The following FAM210A variants were observed in gnomAD, a reference collection of about 807,000 sequenced individuals.
The protein encoded by FAM210A is family with sequence similarity 210 member A.
In FAM210A, 13 loss-of-function variants were observed where a neutral mutation model predicts 25.3. The observed-to-expected ratio is 0.51, with a 90% CI of 0.33 to 0.82. The LOEUF is 0.82. Ranked by LOEUF, FAM210A falls within the 40% of genes least tolerant of loss-of-function variation. The pLI is 0.02. For missense variants in FAM210A, 319 were observed against 323.2 expected (o/e 0.99, Z 0.10); for synonymous variants, 125 against 118.7 (o/e 1.05, Z -0.35).
chr18:13,710,904 A>C (rs2043815778), intron 1 of FAM210A, among the ~76,000 whole-genome samples: 1 of 152,200 alleles, frequency 6.6e-6, no homozygotes, highest in Admixed American at 6.5e-5. Context: ...TGTGTACTCA[A>C]ATAGCACAGT....
intron 2 of FAM210A, among the ~76,000 whole-genome samples, chr18:13,674,172 C>T (rs1429045578): frequency 1.1e-4 from 16 of 149,092 alleles, no homozygotes; most frequent in Admixed American, 1.1e-3. Flanking sequence ...ATTAACATTC[C>T]TGAGCCCTGG....
At chr18:13,690,293 G>C (rs776663818) in intron 1 of FAM210A, among the ~76,000 whole-genome samples, 7 of 152,218 alleles carry the variant, frequency 4.6e-5, no homozygotes, top group African/African-American at 7.2e-5. Flanking sequence ...AGCTCAAGAA[G>C]GCCTGCCTGC....
intron 3 of FAM210A, among the ~76,000 whole-genome samples, chr18:13,669,481 G>A (rs1291730499): frequency 6.6e-6 from 1 of 151,978 alleles, no homozygotes; most frequent in African/African-American, 2.4e-5. Flanking sequence ...TTTGTCTTTC[G>A]GATTTTCTCT....
chr18:13,673,352 C>T (rs11663546), intron 2 of FAM210A, among the ~76,000 whole-genome samples: 29,062 of 131,702 alleles, frequency 0.22, 4,179 homozygotes, highest in Non-Finnish European at 0.3. Flanking sequence ...TTTCCAGTTT[C>T]CTGATTATTA....
At chr18:13,692,447 A>G (rs1304121314) in intron 1 of FAM210A, among the ~76,000 whole-genome samples, 1 of 152,244 alleles carries the variant, frequency 6.6e-6, no homozygotes, top group Non-Finnish European at 1.5e-5. Context: ...TCAACAGAAT[A>G]TACATTCTTC....
chr18:13,699,635 A>G (rs770241198), intron 1 of FAM210A, among the ~76,000 whole-genome samples: 1 of 152,072 alleles, frequency 6.6e-6, no homozygotes, highest in Admixed American at 6.6e-5. Flanking sequence ...TTTCCTTTTC[A>G]CTTCTGACAG....
intron 1 of FAM210A, among the ~76,000 whole-genome samples, chr18:13,711,904 C>T (rs944437534): frequency 1.3e-5 from 2 of 152,104 alleles, no homozygotes; most frequent in Non-Finnish European, 2.9e-5. Context: ...CCAAGTTGTC[C>T]AAGACAAAAA....
At chr18:13,675,042 T>A (rs57736419) in intron 2 of FAM210A, among the ~76,000 whole-genome samples, 47 of 61,452 alleles carry the variant, frequency 7.6e-4, no homozygotes, top group East Asian at 1.2e-3. Flanking sequence ...CTTTATTTCC[T>A]GTTTCCTGAT....
intron 1 of FAM210A, among the ~76,000 whole-genome samples, chr18:13,711,383 A>C (rs527402077): frequency 3.3e-5 from 5 of 152,164 alleles, no homozygotes; most frequent in Non-Finnish European, 7.4e-5. Flanking sequence ...ATAAAACAAA[A>C]ACAAACAAAA....
chr18:13,712,054 G>A (rs1375987228), intron 1 of FAM210A, among the ~76,000 whole-genome samples: 8 of 151,992 alleles, frequency 5.3e-5, no homozygotes, highest in Non-Finnish European at 1.0e-4. Flanking sequence ...TCAAGAAGAT[G>A]AAAATGACAA....
At chr18:13,683,603 A>G (rs2043573087) in intron 1 of FAM210A, among the ~76,000 whole-genome samples, 1 of 149,134 alleles carries the variant, frequency 6.7e-6, no homozygotes, top group African/African-American at 2.5e-5. Flanking sequence ...AGACTTCCAG[A>G]TAATTACTTA....
intron 1 of FAM210A, among the ~76,000 whole-genome samples, chr18:13,707,622 T>TAA (rs1376345772): frequency 6.6e-6 from 1 of 152,236 alleles, no homozygotes; most frequent in African/African-American, 2.4e-5. Flanking sequence ...GGGGAACTGT[T>TAA]AAAGCAAACT....
At chr18:13,714,300 T>A (rs1403630029) in intron 1 of FAM210A, among the ~76,000 whole-genome samples, 1 of 152,138 alleles carries the variant, frequency 6.6e-6, no homozygotes. Context: ...TGAACTACAG[T>A]GGTCAGTTGA....
chr18:13,705,826 A>C (rs1416340442), intron 1 of FAM210A, among the ~76,000 whole-genome samples: 1 of 152,226 alleles, frequency 6.6e-6, no homozygotes, highest in East Asian at 1.9e-4. Context: ...GTGCCTGAGA[A>C]GACCATGAAA....
At chr18:13,685,130 C>T (rs566829447) in intron 1 of FAM210A, among the ~76,000 whole-genome samples, 10 of 152,274 alleles carry the variant, frequency 6.6e-5, no homozygotes, top group African/African-American at 2.4e-4. Context: ...TCACACCCTG[C>T]AAACCATGAA....
At chr18:13,707,593 T>C (rs941560692) in intron 1 of FAM210A, among the ~76,000 whole-genome samples, 11 of 152,186 alleles carry the variant, frequency 7.2e-5, no homozygotes, top group Admixed American at 2.0e-4. Flanking sequence ...CTCTCAAAAT[T>C]GAAAGAATGA....
At chr18:13,718,107 C>A (rs532171596) in intron 1 of FAM210A, among the ~76,000 whole-genome samples, 1 of 152,120 alleles carries the variant, frequency 6.6e-6, no homozygotes, top group Non-Finnish European at 1.5e-5. Flanking sequence ...CTTTGAGATG[C>A]TAAGCAGCAA....
chr18:13,720,892 G>T (rs1279676110), intron 1 of FAM210A, among the ~76,000 whole-genome samples: 1 of 152,132 alleles, frequency 6.6e-6, no homozygotes, highest in East Asian at 1.9e-4. Context: ...GGAAATGTGT[G>T]ACATTTCTTG....
intron 1 of FAM210A, among the ~76,000 whole-genome samples, chr18:13,720,932 T>C (rs2043893313): frequency 6.6e-6 from 1 of 152,200 alleles, no homozygotes; most frequent in Non-Finnish European, 1.5e-5. Flanking sequence ...TCATATGGCA[T>C]TCTCCCTGTG....
Sources: allele counts gnomAD v4.1 joint callset (sites outside exome capture counted in the v4.1 genomes callset), GRCh38; gene constraint gnomAD v4.1.1; transcripts MANE v1.5; gene names NCBI Gene and HGNC (gene_info 2026-07-23, HGNC 2026-07-21).